The following GABRB1 variants were observed in gnomAD, a reference collection of about 807,000 sequenced individuals.
The protein encoded by GABRB1 is gamma-aminobutyric acid type A receptor subunit beta1.
Under a neutral mutation model 51.6 loss-of-function variants are expected in GABRB1, and 17 were observed. The observed-to-expected ratio is 0.33, with a 90% CI of 0.23 to 0.49. The LOEUF (loss-of-function observed/expected upper bound fraction) is 0.49. Among genes scored for constraint, GABRB1 ranks in the 20% least tolerant of loss-of-function variants. The pLI is 0.99. For synonymous variants in GABRB1, 247 were observed against 218.9 expected, an observed-to-expected ratio of 1.13 and a Z score of -1.14; for missense variants, 410 against 600.6, an observed-to-expected ratio of 0.68 and a Z score of 3.32.
chr4:47,423,065 A>T (rs1560379514), intron 8 of GABRB1, among the ~76,000 whole-genome samples: 1 of 152,108 alleles, frequency 6.6e-6, no homozygotes, highest in Non-Finnish European at 1.5e-5. Context: ...GGAAAATAGG[A>T]CTGAAACCTA....
At chr4:47,235,901 C>T (rs1015832552) in intron 4 of GABRB1, among the ~76,000 whole-genome samples, 1 of 151,996 alleles carries the variant, frequency 6.6e-6, no homozygotes. Context: ...ATGAGAGTTC[C>T]CTTGAGCTGT....
intron 4 of GABRB1, among the ~76,000 whole-genome samples, chr4:47,206,113 C>T (rs1720107419): frequency 6.6e-6 from 1 of 151,878 alleles, no homozygotes; most frequent in South Asian, 2.1e-4. Context: ...AGGCTTTGAG[C>T]TTCCATTTTC....
chr4:47,134,092 T>C (rs377601336), intron 3 of GABRB1, among the ~76,000 whole-genome samples: 1 of 152,358 alleles, frequency 6.6e-6, no homozygotes, highest in East Asian at 1.9e-4. Context: ...GTTGGTTTTG[T>C]ATATGCATTG....
rs75259280 is a variant in GABRB1, at chr4:47,372,528, A to G, written c.545-30790A>G. ...GCCATTTTCGGTTATTTACAAAAAT[A>G]GAAATCTTGGTCCAATTTAAAATTT... On this transcript the variant is annotated intron_variant, in intron 5 of 8. Transcript: ENST00000295454. Among the ~76,000 whole-genome samples the G allele has an allele frequency of 9.0e-3, 1,365 of 152,330 alleles. 18 individuals carry two copies. The highest frequency in any genetic ancestry group is 0.032 in the African/African-American group (1,310 of 41,558).
At chr4:47,365,859 G>A (rs1351066941) in intron 5 of GABRB1, among the ~76,000 whole-genome samples, 7 of 152,174 alleles carry the variant, frequency 4.6e-5, no homozygotes, top group Admixed American at 1.3e-4. Context: ...AGGCCCAGAG[G>A]TGGTGGTGAC....
chr4:47,021,799 T>C (rs902460110), intron 1 of GABRB1, among the ~76,000 whole-genome samples: 1 of 152,100 alleles, frequency 6.6e-6, no homozygotes, highest in Non-Finnish European at 1.5e-5. Context: ...TACAAGTTAC[T>C]TTTCCCATCT....
chr4:47,043,275 G>T lies in GABRB1; in HGVS notation c.240+10791G>T, dbSNP rs567388926. On this transcript the variant is annotated intron_variant, in intron 3 of 8. Coordinates refer to ENST00000295454, the MANE Select transcript of GABRB1 (RefSeq NM_000812.4). ...AGGAAGACTGGATAAAAAATTTGGAGAGTAGGATATATTCACAAAACTGGA... is the reference window on the plus strand; with the variant it reads ...AGGAAGACTGGATAAAAAATTTGGATAGTAGGATATATTCACAAAACTGGA... The T allele has an allele frequency of 2.0e-5, 3 of 152,038 alleles. No homozygotes were observed. In the East Asian group the frequency reaches 5.8e-4, roughly 29 times the overall value. 9.4% of individuals were successfully genotyped at this position (152,038 alleles called of 1,614,324 possible).
intron 3 of GABRB1, among the ~76,000 whole-genome samples, chr4:47,144,404 T>G (rs953396857): frequency 6.6e-6 from 1 of 151,956 alleles, no homozygotes; most frequent in African/African-American, 2.4e-5. Flanking sequence ...AAAATGTAGC[T>G]GCAGACATGT....
chr4:47,218,207 T>C (rs1455185545), intron 4 of GABRB1, among the ~76,000 whole-genome samples: 1 of 151,924 alleles, frequency 6.6e-6, no homozygotes, highest in Non-Finnish European at 1.5e-5. Context: ...ATTGTGTATA[T>C]ATACCATGTG....
At chr4:47,110,636 A>C (rs56278524) in intron 3 of GABRB1, among the ~76,000 whole-genome samples, 23 of 152,134 alleles carry the variant, frequency 1.5e-4, no homozygotes, top group Admixed American at 1.3e-3. Flanking sequence ...ATTTTTATTC[A>C]TGGTAAATGA....
chr4:47,423,452 T>C (rs577058314), intron 8 of GABRB1, among the ~76,000 whole-genome samples: 34 of 152,338 alleles, frequency 2.2e-4, no homozygotes, highest in African/African-American at 7.2e-4. Flanking sequence ...TTGGTCCCCG[T>C]AGGTGGCTGA....
chr4:47,316,449 T>C (rs929278812), intron 4 of GABRB1, among the ~76,000 whole-genome samples: 3 of 152,136 alleles, frequency 2.0e-5, no homozygotes, highest in Non-Finnish European at 4.4e-5. Context: ...ATTGTCCATA[T>C]CTACCACATT....
At chr4:47,077,956 T>TA (rs1560523664) in intron 3 of GABRB1, among the ~76,000 whole-genome samples, 65 of 96,026 alleles carry the variant, frequency 6.8e-4, no homozygotes, top group East Asian at 2.5e-3. Flanking sequence ...ATATTATATA[T>TA]TTTATATATA....
chr4:47,082,447 T>C (rs1560525783), intron 3 of GABRB1, among the ~76,000 whole-genome samples: 1 of 152,090 alleles, frequency 6.6e-6, no homozygotes, highest in African/African-American at 2.4e-5. Flanking sequence ...CACTAAAGCT[T>C]TGTACTAGAT....
Position 47,072,572 on chromosome 4 carries a change from T to G in GABRB1, c.240+40088T>G, listed in dbSNP as rs184470100. Among the ~76,000 whole-genome samples the G allele has an allele frequency of 2.4e-3, 361 of 152,268 alleles. 2 individuals carry two copies. The highest frequency in any genetic ancestry group is 8.2e-3 in the African/African-American group (341 of 41,564). The stretch of plus-strand genomic sequence containing the variant: ...CTATAATATTTGGCTAACTACTACT[T>G]TTACTATGTGGTATCATGTTTGATA... On this transcript the variant is annotated intron_variant, in intron 3 of 8. Coordinates refer to ENST00000295454, the MANE Select transcript of GABRB1 (RefSeq NM_000812.4).
chr4:47,393,688 T>C, intron 5 of GABRB1, among the ~76,000 whole-genome samples: 1 of 152,256 alleles, frequency 6.6e-6, no homozygotes, highest in East Asian at 1.9e-4. Flanking sequence ...TTATTCCCTG[T>C]ATACAGTATT....
intron 3 of GABRB1, among the ~76,000 whole-genome samples, chr4:47,091,848 C>A (rs148850445): frequency 1.3e-5 from 2 of 152,302 alleles, no homozygotes; most frequent in South Asian, 4.1e-4. Flanking sequence ...TCCACCACAC[C>A]GGCCTCCACC....
chr4:47,086,471 C>T (rs375149183), intron 3 of GABRB1, among the ~76,000 whole-genome samples: 8 of 152,040 alleles, frequency 5.3e-5, no homozygotes, highest in Admixed American at 2.6e-4. Context: ...AACTGAAAAA[C>T]GTGAACACTA....
chr4:47,168,703 T>A (rs1288091306), intron 4 of GABRB1, among the ~76,000 whole-genome samples: 1 of 152,132 alleles, frequency 6.6e-6, no homozygotes, highest in Non-Finnish European at 1.5e-5. Flanking sequence ...TCCACTTATA[T>A]TAATTTTAAT....
Sources: gnomAD v4.1 joint callset for allele counts (sites outside exome capture counted in the v4.1 genomes callset) on GRCh38, gnomAD v4.1.1 for gene constraint, MANE v1.5 for transcripts, NCBI Gene and HGNC (gene_info 2026-07-23, HGNC 2026-07-21) for gene names.